The following TLCD4 variants were observed in gnomAD, a reference collection of about 807,000 sequenced individuals.
TLCD4 encodes the protein TLC domain-containing protein 4.
A neutral mutation model predicts 24.2 loss-of-function variants in TLCD4; 7 were observed. That is an observed-to-expected ratio of 0.29 (90% confidence interval 0.16 to 0.54). The LOEUF is 0.54. Ranked by LOEUF, TLCD4 falls within the 20% of genes least tolerant of loss-of-function variation. The probability of loss-of-function intolerance (pLI) is 0.95; values close to 1 mark genes in which losing one functional copy is unlikely to be tolerated. For missense variants in TLCD4, 259 were observed against 313.9 expected (o/e 0.82, Z 1.32); for synonymous variants, 103 against 106.4 (o/e 0.97, Z 0.20).
At position 95,179,046 on chromosome 1, in the gene TLCD4, C is replaced by T. The variant is rs537741545; in HGVS notation, c.473+5157C>T. ...CTTTACCACCTCTTCTCTGTCTCTA[C>T]CTTCAGTGCCCTAGTTCACCATCTC... On this transcript the variant is annotated intron_variant, in intron 6 of 6. Transcript: ENST00000370203. 8.9e-4 allele frequency among the ~76,000 whole-genome samples: 135 copies of T among 152,314 alleles called. No homozygotes were observed. In the Middle Eastern group the frequency reaches 0.031, roughly 35 times the overall value.
rs1679210965 is a variant in TLCD4 at position 95,196,511 on chromosome 1, C to T, written c.*4643C>T. The T allele has an allele frequency of 6.6e-6, 1 of 152,188 alleles. No homozygotes were observed. Among genetic ancestry groups the T allele is most frequent in the African/African-American group, 2.4e-5 (1 of 41,436 alleles). The allele number at this position is 152,188 out of a possible 1,614,324, so 9.4% of individuals were successfully genotyped here. A position where few individuals can be genotyped will look rare whatever the true frequency, so the allele number is the denominator to read the frequency against. The stretch of plus-strand genomic sequence containing the variant: ...CCAGCCTCTAGTTTTGATAATAATT[C>T]ATACCTTTATTGGAATATATTTTGG... On this transcript the variant is annotated 3_prime_UTR_variant, in exon 7 of 7. Transcript: ENST00000370203.
rs144904166 is a variant in TLCD4, at chr1:95,191,961, A to G, written c.*93A>G. ...ATGTTCTTGTGTACCTTTCTTAATT[A>G]TAATTGTTATTCAGGATTTCAGTGT... On this transcript the variant is annotated 3_prime_UTR_variant, in exon 7 of 7. Coordinates refer to ENST00000370203, the MANE Select transcript of TLCD4 (RefSeq NM_152487.3). 30 of 1,479,854 alleles carry G rather than the reference A, an allele frequency of 2.0e-5. No individual in the cohort carries two copies. The African/African-American group carries it at 3.4e-4, about 17-fold the overall frequency. The allele number at this position is 1,479,854 out of a possible 1,614,324, so 91.7% of individuals were successfully genotyped here.
At chr1:95,129,655 T>C (rs1450746568) in intron 1 of TLCD4, among the ~76,000 whole-genome samples, 1 of 152,182 alleles carries the variant, frequency 6.6e-6, no homozygotes, top group Non-Finnish European at 1.5e-5. Context: ...GACACGAGAA[T>C]AGCTTGAACC....
chr1:95,123,775 A>G (rs1219709999), intron 1 of TLCD4, among the ~76,000 whole-genome samples: 2 of 152,218 alleles, frequency 1.3e-5, no homozygotes, highest in Non-Finnish European at 2.9e-5. Context: ...ATGTGATAGT[A>G]TACATATAAC....
At chr1:95,161,067 C>T (rs1368456185) in intron 5 of TLCD4, among the ~76,000 whole-genome samples, 2 of 152,152 alleles carry the variant, frequency 1.3e-5, no homozygotes, top group Non-Finnish European at 2.9e-5. Flanking sequence ...GGAATAGTTT[C>T]AGAAGGAATG....
the TLCD4 span, among the ~76,000 whole-genome samples, chr1:95,110,107 T>G: frequency 6.6e-6 from 1 of 150,786 alleles, no homozygotes; most frequent in Non-Finnish European, 1.5e-5. Flanking sequence ...AAAAATCAAC[T>G]GAAAAAATGT....
At position 95,192,076 on chromosome 1, in the gene TLCD4, C is replaced by G. The variant is rs770397776; in HGVS notation, c.*208C>G. 42 of 1,172,632 alleles carry G rather than the reference C, an allele frequency of 3.6e-5. No homozygotes were observed. The highest frequency in any genetic ancestry group is 4.5e-5 in the Non-Finnish European group (40 of 889,722). 72.6% of individuals were successfully genotyped at this position (1,172,632 alleles called of 1,614,324 possible). A position where few individuals can be genotyped will look rare whatever the true frequency, so the allele number is the denominator to read the frequency against. On this transcript the variant is annotated 3_prime_UTR_variant, in exon 7 of 7. Coordinates refer to ENST00000370203, the MANE Select transcript of TLCD4 (RefSeq NM_152487.3). ...CTTTGGGAGGCCAAGGTGGGTCGAT[C>G]ACTGAGGTCAGGAGTTCGAGACTAG...
chr1:95,106,895 T>C, the TLCD4 span, among the ~76,000 whole-genome samples: 1 of 152,168 alleles, frequency 6.6e-6, no homozygotes, highest in East Asian at 1.9e-4. Context: ...ATGCAGCATA[T>C]GCATTTTCCA....
At chr1:95,150,388 A>G in intron 4 of TLCD4, 122 bp downstream of exon 4, 1 of 1,190,804 alleles carries the variant, frequency 8.4e-7, no homozygotes, top group Non-Finnish European at 1.1e-6. Context: ...ATACAGAGGA[A>G]AAAAATACCT....
At position 95,191,919 on chromosome 1, in the gene TLCD4, T is replaced by TA; in HGVS notation, c.*52dup. ...CATTACTACCCAGCATATCTGCTGATAGGATGAATTCTTGGCATGTTCTTG... is the reference window on the plus strand; with the variant it reads ...CATTACTACCCAGCATATCTGCTGATAAGGATGAATTCTTGGCATGTTCTTG... On this transcript the variant is annotated 3_prime_UTR_variant, in exon 7 of 7. Coordinates refer to ENST00000370203, the MANE Select transcript of TLCD4 (RefSeq NM_152487.3). 1 of 1,560,102 alleles carries TA rather than the reference T, an allele frequency of 6.4e-7. No individual in the cohort carries two copies. Among genetic ancestry groups the TA allele is most frequent in the Non-Finnish European group, 8.6e-7 (1 of 1,157,384 alleles).
At chr1:95,113,997 T>C (rs1676386353), upstream of TLCD4, among the ~76,000 whole-genome samples, 1 of 152,000 alleles carries the variant, frequency 6.6e-6, no homozygotes, top group African/African-American at 2.4e-5. Context: ...TAACCACTGG[T>C]AATATCTTGA....
upstream of TLCD4, among the ~76,000 whole-genome samples, chr1:95,116,983 T>C (rs1676443786): frequency 6.6e-6 from 1 of 152,218 alleles, no homozygotes; most frequent in African/African-American, 2.4e-5. Context: ...TTTCTGATGA[T>C]CTAACCATGA....
At chr1:95,108,096 A>G in the TLCD4 span, among the ~76,000 whole-genome samples, 1 of 152,048 alleles carries the variant, frequency 6.6e-6, no homozygotes, top group Non-Finnish European at 1.5e-5. Context: ...CATGTTTTCT[A>G]ATTTTCTCTC....
At chr1:95,190,066 A>G (rs773775988) in intron 6 of TLCD4, among the ~76,000 whole-genome samples, 7 of 149,396 alleles carry the variant, frequency 4.7e-5, no homozygotes, top group Admixed American at 6.7e-5. Flanking sequence ...ATAGGTGTGC[A>G]TAGTATCTTG....
At chr1:95,121,909 G>A (rs1163388083) in intron 1 of TLCD4, among the ~76,000 whole-genome samples, 3 of 152,218 alleles carry the variant, frequency 2.0e-5, no homozygotes, top group Admixed American at 1.3e-4. Flanking sequence ...AACTGATGAG[G>A]CAACCAGCAA....
chr1:95,098,320 T>G, the TLCD4 span, among the ~76,000 whole-genome samples: 1 of 152,246 alleles, frequency 6.6e-6, no homozygotes, highest in Non-Finnish European at 1.5e-5. Context: ...CTTATTCTCT[T>G]GCTTAAAATC....
intron 5 of TLCD4, among the ~76,000 whole-genome samples, chr1:95,152,086 T>C (rs1290908592): frequency 6.6e-6 from 1 of 152,078 alleles, no homozygotes. Flanking sequence ...TTCATAAAGA[T>C]GGTTGCTTTT....
At chr1:95,137,925 C>T (rs760821842) in intron 1 of TLCD4, among the ~76,000 whole-genome samples, 15 of 151,860 alleles carry the variant, frequency 9.9e-5, no homozygotes, top group Non-Finnish European at 2.2e-4. Context: ...TTTGTAGAGA[C>T]GGGGTCTTGT....
the TLCD4 span, among the ~76,000 whole-genome samples, chr1:95,106,938 G>T: frequency 3.3e-5 from 5 of 152,118 alleles, no homozygotes; most frequent in African/African-American, 4.8e-5. Context: ...CGATGCTTCT[G>T]ACTTCTCATA....
Sources: gnomAD v4.1 joint callset for allele counts (sites outside exome capture counted in the v4.1 genomes callset) on GRCh38, gnomAD v4.1.1 for gene constraint, MANE v1.5 for transcripts, NCBI Gene and HGNC (gene_info 2026-07-23, HGNC 2026-07-21) for gene names.